PRH1: variants seen among roughly 807,000 people sequenced by gnomAD.
PRH1 encodes the protein proline rich protein HaeIII subfamily 1.
Under a neutral mutation model 7.9 loss-of-function variants are expected in PRH1, and 7 were observed. The ratio of observed to expected loss-of-function variants is 0.89; its 90% CI spans 0.50 to 1.67. The LOEUF (loss-of-function observed/expected upper bound fraction) is 1.67. Among genes scored for constraint, PRH1 ranks in the 40% most tolerant of loss-of-function variants. The pLI, the probability that PRH1 is intolerant of heterozygous loss-of-function variation, is 0.00. For missense variants in PRH1, 109 were observed against 223.6 expected, an observed-to-expected ratio of 0.49 and a Z score of 3.27; for synonymous variants, 45 against 80.8, an observed-to-expected ratio of 0.56 and a Z score of 2.38.
chr12:11,137,357 C>T (rs1225089858), intron 1 of PRH1, among the ~76,000 whole-genome samples: 2 of 152,166 alleles, frequency 1.3e-5, no homozygotes, highest in African/African-American at 4.8e-5. Context: ...GAATCTGGTG[C>T]TTCTAAGGAA....
chr12:11,163,284 T>G (rs1364941273), intron 1 of PRH1, among the ~76,000 whole-genome samples: 1 of 152,130 alleles, frequency 6.6e-6, no homozygotes, highest in Non-Finnish European at 1.5e-5. Context: ...CATTTTGTTT[T>G]GAAGTTTTAC....
At chr12:10,917,800 T>C (rs1299423724) in intron 2 of PRH1, among the ~76,000 whole-genome samples, 1 of 152,238 alleles carries the variant, frequency 6.6e-6, no homozygotes, top group Non-Finnish European at 1.5e-5. Flanking sequence ...TGTTCTCTTC[T>C]GACTGAATTC....
intron 1 of PRH1, chr12:10,986,209 C>A: frequency 6.2e-7 from 1 of 1,614,068 alleles, no homozygotes; most frequent in Non-Finnish European, 8.5e-7. Flanking sequence ...GTGCTGAGAT[C>A]TTGCGATCCT....
chr12:11,126,460 A>G (rs1169654036), intron 1 of PRH1, among the ~76,000 whole-genome samples: 1 of 152,234 alleles, frequency 6.6e-6, no homozygotes, highest in African/African-American at 2.4e-5. Context: ...TAGTTGGTTC[A>G]TTTTGATTGC....
At chr12:11,099,604 G>A (rs562661499) in intron 1 of PRH1, among the ~76,000 whole-genome samples, 43 of 152,236 alleles carry the variant, frequency 2.8e-4, no homozygotes, top group African/African-American at 1.0e-3. Flanking sequence ...GGGTGAGGCA[G>A]GAGAATCGCT....
upstream of PRH1, chr12:11,048,339 G>A (rs539585829): frequency 3.6e-6 from 1 of 278,362 alleles, no homozygotes; most frequent in Admixed American, 4.0e-5. Flanking sequence ...ATGGAGTTGA[G>A]GGTTTCTGTC....
At chr12:10,959,726 T>A (rs1273098127) in intron 2 of PRH1, among the ~76,000 whole-genome samples, 1 of 152,208 alleles carries the variant, frequency 6.6e-6, no homozygotes, top group Non-Finnish European at 1.5e-5. Flanking sequence ...CAATGCTATA[T>A]TAAAATGATA....
At chr12:11,056,205 A>G (rs570766442) in intron 1 of PRH1, among the ~76,000 whole-genome samples, 139 of 152,400 alleles carry the variant, frequency 9.1e-4, no homozygotes, top group African/African-American at 3.2e-3. Context: ...TTGTTTAATT[A>G]AAATACTCAG....
rs1941545453 is a variant in PRH1, at chr12:11,020,363, G to GATATATCTATATATATATCT, written c.-126+26656_-126+26657insAGATATATATATAGATATAT. 3.4e-5 allele frequency among the ~76,000 whole-genome samples: 3 copies of GATATATCTATATATATATCT among 87,584 alleles called. No homozygotes were observed. In the South Asian group the frequency reaches 1.9e-3, roughly 56 times the overall value. The allele number at this position is 87,584 out of a possible 152,430, so 57.5% of individuals were successfully genotyped here. A position where few individuals can be genotyped will look rare whatever the true frequency, so the allele number is the denominator to read the frequency against. ...GTACTAGGGAGGACGTATGATAAGCGATATATATATATATATATATATATA... is the reference window on the plus strand; with the variant it reads ...GTACTAGGGAGGACGTATGATAAGCGATATATCTATATATATATCTATATATATATATATATATATATATA... On this transcript the variant is annotated intron_variant, in intron 1 of 3. Coordinates refer to the PRH1 transcript ENST00000539853.
chr12:11,064,559 C>T (rs1010143689), intron 1 of PRH1, among the ~76,000 whole-genome samples: 3 of 151,982 alleles, frequency 2.0e-5, no homozygotes, highest in African/African-American at 4.8e-5. Context: ...TCCTCATAGA[C>T]ATAGAAAAGT....
At chr12:10,931,960 T>C (rs1693044662) in intron 2 of PRH1, among the ~76,000 whole-genome samples, 2 of 152,166 alleles carry the variant, frequency 1.3e-5, no homozygotes, top group African/African-American at 2.4e-5. Flanking sequence ...TTTCTGAAAA[T>C]AACCCTTAAC....
At chr12:11,157,065 C>A (rs999938992) in intron 1 of PRH1, among the ~76,000 whole-genome samples, 2 of 151,994 alleles carry the variant, frequency 1.3e-5, no homozygotes, top group African/African-American at 4.8e-5. Context: ...CCAGGATGGT[C>A]TCGATCTCCT....
At chr12:10,938,643 T>A in intron 2 of PRH1, 1 of 1,613,916 alleles carries the variant, frequency 6.2e-7, no homozygotes, top group East Asian at 2.2e-5. Context: ...GTAAAGGGTA[T>A]GAAAATGAAC....
At chr12:10,953,712 T>A (rs546380527) in intron 2 of PRH1, among the ~76,000 whole-genome samples, 7 of 152,170 alleles carry the variant, frequency 4.6e-5, no homozygotes, top group Non-Finnish European at 5.9e-5. Flanking sequence ...CATAAAAATT[T>A]CCTCAACCTT....
At chr12:10,913,326 G>A (rs1949927132) in intron 2 of PRH1, among the ~76,000 whole-genome samples, 1 of 152,038 alleles carries the variant, frequency 6.6e-6, no homozygotes, top group Non-Finnish European at 1.5e-5. Context: ...ATGGTGGCAG[G>A]CACCTGTAGT....
chr12:10,997,552 G>A, intron 1 of PRH1: 1 of 1,614,072 alleles, frequency 6.2e-7, no homozygotes, highest in African/African-American at 1.3e-5. Context: ...TGACGATCTT[G>A]AGCAAATAAA....
chr12:10,923,398 G>A (rs1446712762), intron 2 of PRH1, among the ~76,000 whole-genome samples: 1 of 152,212 alleles, frequency 6.6e-6, no homozygotes, highest in Non-Finnish European at 1.5e-5. Context: ...CAAAGTGCTG[G>A]AATTACAGGC....
chr12:11,140,603 C>T (rs772568881), intron 1 of PRH1, among the ~76,000 whole-genome samples: 2 of 152,106 alleles, frequency 1.3e-5, no homozygotes, highest in African/African-American at 4.8e-5. Context: ...ATTTCCAAAA[C>T]AGCTCAAATT....
chr12:11,003,949 G>A (rs571654973), intron 1 of PRH1, among the ~76,000 whole-genome samples: 1 of 151,946 alleles, frequency 6.6e-6, no homozygotes, highest in Admixed American at 6.6e-5. Flanking sequence ...TTTTATTACT[G>A]ATGGTCATTT....
Sources: gnomAD v4.1 joint callset for allele counts (sites outside exome capture counted in the v4.1 genomes callset) on GRCh38, gnomAD v4.1.1 for gene constraint, MANE v1.5 for transcripts, NCBI Gene and HGNC (gene_info 2026-07-23, HGNC 2026-07-21) for gene names.